RAB3B: variants seen among roughly 807,000 people sequenced by gnomAD.
The protein encoded by RAB3B is RAB3B, member RAS oncogene family.
RAB3B carries 11 observed loss-of-function variants against 20.5 expected under a neutral mutation model. The observed-to-expected ratio is 0.54, with a 90% CI of 0.34 to 0.89. The LOEUF is 0.89. Among genes scored for constraint, RAB3B ranks in the 40% least tolerant of loss-of-function variants. RAB3B has a pLI of 0.02. For missense variants in RAB3B, 225 were observed against 280.9 expected (o/e 0.80, Z 1.42); for synonymous variants, 99 against 106.3 (o/e 0.93, Z 0.42).
chr1:51,984,478 A>G (rs1310275090), intron 1 of RAB3B, among the ~76,000 whole-genome samples: 1 of 146,838 alleles, frequency 6.8e-6, no homozygotes, highest in African/African-American at 2.5e-5. Context: ...GCAACCTCCA[A>G]CTCCTGGGTT....
chr1:51,980,376 C>A, intron 1 of RAB3B: 1 of 366,010 alleles, frequency 2.7e-6, no homozygotes, highest in Non-Finnish European at 5.1e-6. Context: ...TGCAGTAAAC[C>A]ATGATTGTGC....
At position 51,975,819 on chromosome 1, in the gene RAB3B, C is replaced by A. The variant is rs559864224; in HGVS notation, c.228+1071G>T. 2.4e-4 allele frequency among the ~76,000 whole-genome samples: 37 copies of A among 152,224 alleles called. 1 individual carries two copies. The South Asian group carries it at 4.1e-3, about 17-fold the overall frequency. ...CCAGCCTGGCCAACATGGTGAAACA[C>A]CATCTCTACTAAAAATACAAAAATT... On this transcript the variant is annotated intron_variant, in intron 2 of 4. Transcript: ENST00000371655.
chr1:51,950,923 G>C (rs765058186), intron 2 of RAB3B, among the ~76,000 whole-genome samples: 4 of 152,168 alleles, frequency 2.6e-5, no homozygotes, highest in Non-Finnish European at 4.4e-5. Flanking sequence ...AACTGGAAGG[G>C]GAGAGCTCTT....
intron 1 of RAB3B, among the ~76,000 whole-genome samples, chr1:51,983,853 AG>A (rs1685118234): frequency 6.6e-6 from 1 of 151,016 alleles, no homozygotes. Flanking sequence ...CCAGCTAGTC[AG>A]GAGGCTGAAG....
At chr1:51,956,368 T>C (rs1684706620) in intron 2 of RAB3B, among the ~76,000 whole-genome samples, 1 of 152,202 alleles carries the variant, frequency 6.6e-6, no homozygotes. Flanking sequence ...TAACCAGCTC[T>C]TTGGAGTAAG....
At chr1:51,961,960 C>A (rs570165163) in intron 2 of RAB3B, among the ~76,000 whole-genome samples, 1 of 152,140 alleles carries the variant, frequency 6.6e-6, no homozygotes, top group African/African-American at 2.4e-5. Flanking sequence ...TTAGTAGAGA[C>A]AGGGTTTCAC....
chr1:51,949,056 G>A (rs1342655235), intron 2 of RAB3B, among the ~76,000 whole-genome samples: 2 of 152,172 alleles, frequency 1.3e-5, no homozygotes, highest in East Asian at 3.9e-4. Flanking sequence ...AAGCCTACAA[G>A]ATGGAGTCCA....
At chr1:51,955,388 TCTTA>T (rs1461601971) in intron 2 of RAB3B, among the ~76,000 whole-genome samples, 3 of 152,014 alleles carry the variant, frequency 2.0e-5, no homozygotes, top group African/African-American at 7.3e-5. Flanking sequence ...AGGGACTTAC[TCTTA>T]CTTACTCTTT....
chr1:51,917,722 AATTT>A lies in RAB3B; in HGVS notation c.*2201_*2204del, dbSNP rs1323432250. 6.6e-6 allele frequency: 1 copy of A among 151,962 alleles called. No individual in the cohort carries two copies. The highest frequency in any genetic ancestry group is 1.9e-4 in the East Asian group (1 of 5,182). 9.4% of individuals were successfully genotyped at this position (151,962 alleles called of 1,614,324 possible). The stretch of plus-strand genomic sequence containing the variant: ...CAGGCATGCACCATCACATCTGGCT[AATTT>A]TTTTTTTTGTAGGGATAGAATTTGA... On this transcript the variant is annotated 3_prime_UTR_variant, in exon 5 of 5. Coordinates refer to ENST00000371655, the MANE Select transcript of RAB3B (RefSeq NM_002867.4).
chr1:51,967,521 C>CTTCTTT, intron 2 of RAB3B, among the ~76,000 whole-genome samples: 1 of 36,514 alleles, frequency 2.7e-5, no homozygotes, highest in Non-Finnish European at 5.7e-5. Context: ...TTTTCTTTTT[C>CTTCTTT]TTTTTTTTTT....
chr1:51,931,961 T>TTATTGGTCAATGGACCA (rs1434743772), intron 4 of RAB3B, among the ~76,000 whole-genome samples: 2 of 152,202 alleles, frequency 1.3e-5, no homozygotes, highest in Admixed American at 6.5e-5. Flanking sequence ...GGTGTGGGCT[T>TTATTGGTCAATGGACCA]CATCACTTGC....
intron 2 of RAB3B, among the ~76,000 whole-genome samples, chr1:51,966,826 G>C (rs1355859205): frequency 2.6e-5 from 4 of 152,110 alleles, no homozygotes; most frequent in Non-Finnish European, 5.9e-5. Flanking sequence ...CAGAGCCCCA[G>C]TTTCCCTGTT....
At chr1:51,976,772 G>C in intron 2 of RAB3B, 118 bp downstream of exon 2, 1 of 866,410 alleles carries the variant, frequency 1.2e-6, no homozygotes, top group Non-Finnish European at 1.8e-6. Context: ...ACCTGAAACA[G>C]CATTAATGCC....
At position 51,912,594 on chromosome 1, in the gene RAB3B, TATATATAA is replaced by T. The variant is rs1212821020; in HGVS notation, c.*7325_*7332del. 1,394 of 35,268 alleles carry T rather than the reference TATATATAA, an allele frequency of 0.04. 430 individuals are homozygous for T. The highest frequency in any genetic ancestry group is 0.085 in the African/African-American group (853 of 9,988). The allele number at this position is 35,268 out of a possible 1,614,324, so 2.2% of individuals were successfully genotyped here. A position where few individuals can be genotyped will look rare whatever the true frequency, so the allele number is the denominator to read the frequency against. On this transcript the variant is annotated 3_prime_UTR_variant, in exon 5 of 5. Transcript: ENST00000371655. ...ATATATATATATATATATATATATA[TATATATAA>T]AAAATGTTACTCCTGTGAGACAGAA... is the stretch of plus-strand genomic sequence containing the variant.
intron 2 of RAB3B, among the ~76,000 whole-genome samples, chr1:51,941,972 T>C (rs190322735): frequency 1.5e-4 from 23 of 152,346 alleles, no homozygotes; most frequent in African/African-American, 5.0e-4. Flanking sequence ...AAATCTGCCA[T>C]ATCCACATCA....
chr1:51,971,010 C>CAAAAA (rs3074914), intron 2 of RAB3B, among the ~76,000 whole-genome samples: 25 of 55,552 alleles, frequency 4.5e-4, no homozygotes, highest in Non-Finnish European at 7.2e-4. Flanking sequence ...GACTCCGTCT[C>CAAAAA]AAAAAAAAAA....
intron 2 of RAB3B, among the ~76,000 whole-genome samples, chr1:51,946,299 C>T (rs773848228): frequency 7.2e-5 from 11 of 152,334 alleles, no homozygotes; most frequent in Middle Eastern, 3.4e-3. Flanking sequence ...CCAGCTCTCA[C>T]TATCCTGTGC....
chr1:51,956,785 C>A (rs556462894), intron 2 of RAB3B, among the ~76,000 whole-genome samples: 4 of 152,210 alleles, frequency 2.6e-5, no homozygotes, highest in Non-Finnish European at 4.4e-5. Context: ...TTTGTTTAGA[C>A]GGGCTGTGCC....
chr1:51,930,291 G>T (rs969173317), intron 4 of RAB3B, among the ~76,000 whole-genome samples: 1 of 152,204 alleles, frequency 6.6e-6, no homozygotes, highest in East Asian at 1.9e-4. Flanking sequence ...ATTTTTGAGA[G>T]TATTGGACAT....
Sources: allele counts gnomAD v4.1 joint callset (sites outside exome capture counted in the v4.1 genomes callset), GRCh38; gene constraint gnomAD v4.1.1; transcripts MANE v1.5; gene names NCBI Gene and HGNC (gene_info 2026-07-23, HGNC 2026-07-21).